Variants in UBXN6 observed in about 807,000 individuals in gnomAD.
UBXN6 encodes UBX domain-containing protein 6.
In UBXN6, 44 loss-of-function variants were observed where a neutral mutation model predicts 51.4. The ratio of observed to expected loss-of-function variants is 0.86; its 90% CI spans 0.67 to 1.10. UBXN6 has a LOEUF of 1.10. Among genes scored for constraint, UBXN6 ranks in the 50% least tolerant of loss-of-function variants. UBXN6 has a pLI of 0.00. For missense variants in UBXN6, 672 were observed against 596.1 expected, an observed-to-expected ratio of 1.13 and a Z score of -1.32; for synonymous variants, 316 against 263.2, an observed-to-expected ratio of 1.20 and a Z score of -1.94.
chr19:4,447,671 AC>A, intron 5 of UBXN6, 46 bp from the exon 6 acceptor site: 1 of 1,599,674 alleles, frequency 6.3e-7, no homozygotes, highest in Non-Finnish European at 8.6e-7. Flanking sequence ...CAGGCTGCCC[AC>A]CCGGCCCCTC....
chr19:4,455,136 A>G (rs1974722396), intron 1 of UBXN6: 9 of 897,692 alleles, frequency 1.0e-5, no homozygotes, highest in Non-Finnish European at 1.2e-5. Context: ...CTGGCAGAGA[A>G]GCCTCGCAGA....
intron 1 of UBXN6, 52 bp from the exon 2 acceptor site, chr19:4,454,145 A>G (rs2145188506): frequency 1.4e-6 from 2 of 1,478,786 alleles, no homozygotes; most frequent in Non-Finnish European, 1.8e-6. Context: ...TGGCCGGCAA[A>G]GCTGACGTGC....
At chr19:4,454,586 G>C (rs1440971527) in intron 1 of UBXN6, among the ~76,000 whole-genome samples, 2 of 152,154 alleles carry the variant, frequency 1.3e-5, no homozygotes, top group Non-Finnish European at 2.9e-5. Context: ...ATCATGCCTG[G>C]CTAATTTTTC....
At chr19:4,455,730 G>C (rs1974730935) in intron 1 of UBXN6, among the ~76,000 whole-genome samples, 2 of 152,092 alleles carry the variant, frequency 1.3e-5, no homozygotes, top group Non-Finnish European at 2.9e-5. Context: ...CTTCTGCCCA[G>C]AATGTTCTCC....
chr19:4,447,714 G>A, intron 5 of UBXN6, 89 bp from the exon 6 acceptor site: 1 of 1,312,180 alleles, frequency 7.6e-7, no homozygotes, highest in Non-Finnish European at 1.1e-6. Context: ...CAGCAGCTCA[G>A]CCACACTTGG....
rs139535362 is a variant in UBXN6 at position 4,446,085 on chromosome 19, G to A, written c.1164C>T (p.Ser388=). ...ELLASGGQKL[S]EDENLALNEC... Reference sequence around the variant, plus strand: ...CGTTCAAGGCCAGGTTCTCGTCCTCGGACAGCTTCTGCCCTCCCGAGGCCA... The same window carrying A: ...CGTTCAAGGCCAGGTTCTCGTCCTCAGACAGCTTCTGCCCTCCCGAGGCCA... The change falls in exon 10 of 11, where the codon TCC becomes TCT. Residue 388 remains serine, a synonymous_variant. Transcript: ENST00000301281. The A allele has an allele frequency of 2.0e-5, 32 of 1,612,716 alleles. No individual in the cohort carries two copies. Among genetic ancestry groups the A allele is most frequent in the African/African-American group, 8.0e-5 (6 of 75,052 alleles).
At chr19:4,457,533 C>G in intron 1 of UBXN6, 82 bp downstream of exon 1, 1 of 1,294,208 alleles carries the variant, frequency 7.7e-7, no homozygotes, top group South Asian at 1.3e-5. Flanking sequence ...TCTCCGATCT[C>G]CCGAGCCGCC....
chr19:4,457,762 G>C lies in UBXN6; in HGVS notation c.-65C>G, dbSNP rs1258812093. 9.9e-6 allele frequency: 9 copies of C among 912,382 alleles called. No individual in the cohort carries two copies. Among genetic ancestry groups the C allele is most frequent in the East Asian group, 3.5e-5 (1 of 28,292 alleles). 56.5% of individuals were successfully genotyped at this position (912,382 alleles called of 1,614,324 possible). ...GGGGGCACGGGGCCCAGTCGGGGAC[G>C]GGGCCGCCGGAGACCAGCCACCGGA... On this transcript the variant is annotated 5_prime_UTR_variant, in exon 1 of 11. Coordinates refer to ENST00000301281, the MANE Select transcript of UBXN6 (RefSeq NM_025241.3).
In UBXN6 at chr19:4,447,531, G is replaced by A. The variant is rs1277162961; in HGVS notation, c.615+19C>T. The A allele has an allele frequency of 1.9e-6, 3 of 1,612,642 alleles. No homozygotes were observed. Among genetic ancestry groups the A allele is most frequent in the Non-Finnish European group, 1.7e-6 (2 of 1,179,690 alleles). On this transcript the variant is annotated intron_variant, in intron 6 of 10. Transcript: ENST00000301281. ...CCCCACCCCCAGCCTGGGCCCCGGG[G>A]GCCAGAAGGCACGCCCACCTGAAAC... is the stretch of plus-strand genomic sequence containing the variant.
rs1974481210 is a variant in UBXN6 at position 4,445,266 on chromosome 19, TG to T, written c.*231del. On this transcript the variant is annotated 3_prime_UTR_variant, in exon 11 of 11. Coordinates refer to ENST00000301281, the MANE Select transcript of UBXN6 (RefSeq NM_025241.3). The stretch of plus-strand genomic sequence containing the variant: ...GCAGCTAGGGAGGGCTTAGATTTGT[TG>T]GTGTCCCCAGGCCTCTCCCTCGGGG... 1.7e-6 allele frequency: 1 copy of T among 584,302 alleles called. No individual in the cohort carries two copies. Among genetic ancestry groups the T allele is most frequent in the Admixed American group, 3.2e-5 (1 of 30,824 alleles). 36.2% of individuals were successfully genotyped at this position (584,302 alleles called of 1,614,324 possible). A position where few individuals can be genotyped will look rare whatever the true frequency, so the allele number is the denominator to read the frequency against.
chr19:4,453,731 C>A (rs552071112), intron 2 of UBXN6, among the ~76,000 whole-genome samples, 199 bp downstream of exon 2: 4 of 152,174 alleles, frequency 2.6e-5, no homozygotes, highest in Admixed American at 2.6e-4. Context: ...CTGGGCAGCC[C>A]GTTTCTGCTC....
At position 4,446,717 on chromosome 19, in the gene UBXN6, C is replaced by A; in HGVS notation, c.703G>T (p.Asp235Tyr). 6.2e-7 allele frequency: 1 copy of A among 1,608,454 alleles called. No individual in the cohort carries two copies. Among genetic ancestry groups the A allele is most frequent in the Non-Finnish European group, 8.5e-7 (1 of 1,176,544 alleles). The change falls in exon 8 of 11, where the codon GAC (aspartate) becomes TAC (tyrosine). Residue 235 changes from aspartate to tyrosine, a missense_variant and splice_region_variant. Coordinates refer to ENST00000301281, the MANE Select transcript of UBXN6 (RefSeq NM_025241.3). ...KVLLPAQDQE[D>Y]PEEFYVLSET... Reference sequence around the variant, plus strand: ...CTCAGCACGTAGAACTCCTCGGGGTCCTCTACAGCGTGGCAGGACATGGGT... The same window carrying A: ...CTCAGCACGTAGAACTCCTCGGGGTACTCTACAGCGTGGCAGGACATGGGT...
chr19:4,448,477 GC>G, intron 4 of UBXN6, 62 bp from the exon 5 acceptor site: 1 of 1,379,154 alleles, frequency 7.3e-7, no homozygotes, highest in Non-Finnish European at 1.0e-6. Context: ...GCCCTCCGCT[GC>G]CCAGGTAACA....
At chr19:4,453,806 C>T in intron 2 of UBXN6, 124 bp downstream of exon 2, 1 of 1,408,498 alleles carries the variant, frequency 7.1e-7, no homozygotes, top group Non-Finnish European at 9.6e-7. Flanking sequence ...CCTTGATGAG[C>T]CGCTCCCAAG....
At position 4,457,662 on chromosome 19, in the gene UBXN6, G is replaced by C; in HGVS notation, c.36C>G (p.Ile12Met). The change falls in exon 1 of 11, where the codon ATC (isoleucine) becomes ATG (methionine). Residue 12 changes from isoleucine (I) to methionine (M), a missense_variant. Transcript: ENST00000301281. ...KKFFQEFKADIKFKSAGPGQK... is the reference protein window; with the variant it reads ...KKFFQEFKADMKFKSAGPGQK... ...GACCGGGTCCCGCGCTCTTGAACTTGATGTCGGCCTTGAACTCCTGAAAGA... is the reference window on the plus strand; with the variant it reads ...GACCGGGTCCCGCGCTCTTGAACTTCATGTCGGCCTTGAACTCCTGAAAGA... 1 of 1,601,968 alleles carries C rather than the reference G, an allele frequency of 6.2e-7. No homozygotes were observed. Among genetic ancestry groups the C allele is most frequent in the Non-Finnish European group, 8.5e-7 (1 of 1,175,452 alleles).
rs1457917231 is a variant in UBXN6, at chr19:4,446,205, G to A, written c.1052-8C>T. The A allele has an allele frequency of 6.9e-6, 11 of 1,597,886 alleles. No individual in the cohort carries two copies. Among genetic ancestry groups the A allele is most frequent in the Non-Finnish European group, 8.5e-7 (1 of 1,175,442 alleles). On this transcript the variant is annotated splice_polypyrimidine_tract_variant and splice_region_variant and intron_variant, in intron 9 of 10. Coordinates refer to ENST00000301281, the MANE Select transcript of UBXN6 (RefSeq NM_025241.3). ...CCCGAGCGTAGAAAGTGCCTGGGGA[G>A]TGGGGGAGTCAGAGCGGGTGGGGCC... is the stretch of plus-strand genomic sequence containing the variant.
rs756042421 is a variant in UBXN6 at position 4,448,369 on chromosome 19, G to A, written c.488C>T (p.Thr163Met). Residue 163 changes from threonine to methionine, a missense_variant, in exon 5 of 11, where the codon ACG (threonine) becomes ATG (methionine). Transcript: ENST00000301281. ...CACCCGGTCCTGGTCTTTGTTGAACGTGTAGATCTTCATGATGGAGGCGGC... is the reference window on the plus strand; with the variant it reads ...CACCCGGTCCTGGTCTTTGTTGAACATGTAGATCTTCATGATGGAGGCGGC... ...PVAASIMKIY[T>M]FNKDQDRVKL... 35 of 1,610,528 alleles carry A rather than the reference G, an allele frequency of 2.2e-5. No individual in the cohort carries two copies. In the Admixed American group the frequency reaches 4.2e-4, roughly 19 times the overall value.
At chr19:4,447,670 C>T (rs774741632) in intron 5 of UBXN6, 45 bp from the exon 6 acceptor site, 18 of 1,600,244 alleles carry the variant, frequency 1.1e-5, no homozygotes, top group Non-Finnish European at 1.5e-5. Flanking sequence ...CCAGGCTGCC[C>T]ACCCGGCCCC....
At position 4,446,058 on chromosome 19, in the gene UBXN6, C is replaced by T; in HGVS notation, c.1191G>A (p.Glu397=). The change falls in exon 10 of 11, where the codon GAG becomes GAA. Residue 397 remains glutamate, a synonymous_variant. Coordinates refer to ENST00000301281, the MANE Select transcript of UBXN6 (RefSeq NM_025241.3). ...LSEDENLALN[E]CGLVPSALLT... is the part of the protein sequence containing the mutation. ...GCGGGCCGACACTCACCAGCCCGCA[C>T]TCGTTCAAGGCCAGGTTCTCGTCCT... The T allele has an allele frequency of 6.2e-7, 1 of 1,611,588 alleles. No homozygotes were observed. Among genetic ancestry groups the T allele is most frequent in the Non-Finnish European group, 8.5e-7 (1 of 1,179,272 alleles).
Sources: allele counts gnomAD v4.1 joint callset (sites outside exome capture counted in the v4.1 genomes callset), GRCh38; gene constraint gnomAD v4.1.1; transcripts MANE v1.5; gene names NCBI Gene and HGNC (gene_info 2026-07-23, HGNC 2026-07-21).